FAM78A: variants seen among roughly 807,000 people sequenced by gnomAD.
The protein encoded by FAM78A is protein FAM78A.
In FAM78A, 12 loss-of-function variants were observed where a neutral mutation model predicts 22.6. That is an observed-to-expected ratio of 0.53 (90% CI 0.34 to 0.86). FAM78A has a LOEUF of 0.86. Ranked by LOEUF, FAM78A falls within the 40% of genes least tolerant of loss-of-function variation. The pLI is 0.02. For missense variants in FAM78A, 322 were observed against 396.1 expected, an observed-to-expected ratio of 0.81 and a Z score of 1.59; for synonymous variants, 151 against 155.8, an observed-to-expected ratio of 0.97 and a Z score of 0.23.
intron 1 of FAM78A, chr9:131,270,282 G>A (rs59146244): frequency 1.4e-6 from 1 of 717,416 alleles, no homozygotes; most frequent in Non-Finnish European, 2.6e-6. Flanking sequence ...TCACCTCTCA[G>A]CATCCTCACC....
chr9:131,260,867 G>C lies in FAM78A; in HGVS notation c.807C>G (p.Pro269=), dbSNP rs770163977. Residue 269 remains proline (P), a synonymous_variant, in exon 2 of 2, where the codon CCC becomes CCG. Transcript: ENST00000372271. The surrounding 1 kb of genome is among the most constrained non-coding windows in gnomAD (Gnocchi z 5.4). The part of the protein sequence containing the change: ...ANDAQVLMWR[P]KYGQPLVVIP... ...TCACCACCAGCGGCTGCCCGTACTT[G>C]GGCCGCCACATGAGGACCTGGGCAT... 2.6e-6 allele frequency: 4 copies of C among 1,531,246 alleles called. No individual in the cohort carries two copies. Among genetic ancestry groups the C allele is most frequent in the Non-Finnish European group, 3.5e-6 (4 of 1,138,486 alleles). The allele number at this position is 1,531,246 out of a possible 1,614,324, so 94.9% of individuals were successfully genotyped here. A position where few individuals can be genotyped will look rare whatever the true frequency, so the allele number is the denominator to read the frequency against.
intron 1 of FAM78A, among the ~76,000 whole-genome samples, chr9:131,270,934 G>A (rs1253485926): frequency 1.3e-5 from 2 of 151,752 alleles, no homozygotes; most frequent in African/African-American, 4.8e-5. Flanking sequence ...CATTCTCAGC[G>A]TCATCCCAGC....
intron 1 of FAM78A, chr9:131,262,605 G>C (rs1296458278): frequency 6.6e-6 from 1 of 151,808 alleles, no homozygotes; most frequent in Admixed American, 6.6e-5. Flanking sequence ...CCTGTTCCTA[G>C]AATTAATCAC....
At chr9:131,266,591 A>C (rs1835348684) in intron 1 of FAM78A, among the ~76,000 whole-genome samples, 1 of 151,712 alleles carries the variant, frequency 6.6e-6, no homozygotes, top group African/African-American at 2.4e-5. Flanking sequence ...CACCCCAAAG[A>C]AGCCTGCCTG....
chr9:131,264,754 C>T lies in FAM78A; in HGVS notation c.324-3404G>A, dbSNP rs372334180. 125 of 610,582 alleles carry T rather than the reference C, an allele frequency of 2.0e-4. 1 individual carries two copies. In the East Asian group the frequency reaches 2.1e-3, roughly 10 times the overall value. 37.8% of individuals were successfully genotyped at this position (610,582 alleles called of 1,614,324 possible). On this transcript the variant is annotated intron_variant, in intron 1 of 1. Transcript: ENST00000372271. The stretch of plus-strand genomic sequence containing the variant: ...TTTTTTTTTTTTTGAGACAGAGTCT[C>T]ACTCTGTCACTCAGGCTGGAGTGCA...
Position 131,260,789 on chromosome 9 carries a change from T to C in FAM78A, c.*33A>G. Reference sequence around the variant, plus strand: ...GTTTTGTTTTCAGCGGTATTATTATTTGTGAGTCTAACCTAGCGGGTGGTC... The same window carrying C: ...GTTTTGTTTTCAGCGGTATTATTATCTGTGAGTCTAACCTAGCGGGTGGTC... On this transcript the variant is annotated 3_prime_UTR_variant, in exon 2 of 2. Coordinates refer to ENST00000372271, the MANE Select transcript of FAM78A (RefSeq NM_033387.4). The surrounding 1 kb of genome is among the most constrained non-coding windows in gnomAD (Gnocchi z 5.4). 6.6e-7 allele frequency: 1 copy of C among 1,507,564 alleles called. No homozygotes were observed. The highest frequency in any genetic ancestry group is 1.3e-5 in the South Asian group (1 of 74,614). The allele number at this position is 1,507,564 out of a possible 1,614,324, so 93.4% of individuals were successfully genotyped here.
intron 1 of FAM78A, among the ~76,000 whole-genome samples, chr9:131,267,651 T>C (rs1015434178): frequency 2.0e-5 from 3 of 152,196 alleles, no homozygotes; most frequent in African/African-American, 7.2e-5. Flanking sequence ...TGCATTAAAA[T>C]AAAATTTAGC....
intron 1 of FAM78A, chr9:131,264,697 C>G: frequency 1.5e-6 from 1 of 685,630 alleles, no homozygotes; most frequent in Non-Finnish European, 2.7e-6. Context: ...TGACCCAAAG[C>G]CCTAATTTGA....
chr9:131,271,002 T>C (rs1467018626), intron 1 of FAM78A, among the ~76,000 whole-genome samples: 35,515 of 120,834 alleles, frequency 0.29, 6,121 homozygotes, highest in East Asian at 0.55. Flanking sequence ...CCCACCAGTC[T>C]TTTTTTTTTT....
rs977643823 is a variant in FAM78A, at chr9:131,265,185, T to C, written c.324-3835A>G. 6.6e-6 allele frequency among the ~76,000 whole-genome samples: 1 copy of C among 152,226 alleles called. No homozygotes were observed. Among genetic ancestry groups the C allele is most frequent in the African/African-American group, 2.4e-5 (1 of 41,458 alleles). ...ATTTAAACATTCTAATTCTGTTCTC[T>C]TAGTAGTTGTCCTTGAAATTTTCCG... On this transcript the variant is annotated intron_variant, in intron 1 of 1. Coordinates refer to ENST00000372271, the MANE Select transcript of FAM78A (RefSeq NM_033387.4). This position sits in a 1 kb window ranked among gnomAD's most constrained non-coding sequence, Gnocchi z 4.3.
At chr9:131,277,202 C>A (rs867859405), upstream of FAM78A, among the ~76,000 whole-genome samples, 1 of 151,522 alleles carries the variant, frequency 6.6e-6, no homozygotes, top group Non-Finnish European at 1.5e-5. The surrounding 1 kb of genome is among the most constrained non-coding windows in gnomAD (Gnocchi z 8.4). Context: ...CCCGGACGGG[C>A]GGGGTGGGGG....
intron 1 of FAM78A, among the ~76,000 whole-genome samples, chr9:131,269,716 A>T (rs560052338): frequency 1.8e-4 from 28 of 152,074 alleles, no homozygotes; most frequent in African/African-American, 6.3e-4. Context: ...ACCTCAGATG[A>T]TCCACCTGCC....
At chr9:131,277,358 C>T (rs1410797146), upstream of FAM78A, among the ~76,000 whole-genome samples, 1 of 151,944 alleles carries the variant, frequency 6.6e-6, no homozygotes, top group Non-Finnish European at 1.5e-5. The surrounding 1 kb of genome is among the most constrained non-coding windows in gnomAD (Gnocchi z 8.4). Flanking sequence ...TCGGATCCGG[C>T]GGGCACCCCT....
upstream of FAM78A, among the ~76,000 whole-genome samples, chr9:131,276,816 G>C (rs1057155290): frequency 2.0e-5 from 3 of 149,834 alleles, no homozygotes; most frequent in Admixed American, 6.6e-5. The surrounding 1 kb of genome is among the most constrained non-coding windows in gnomAD (Gnocchi z 4.3). Flanking sequence ...GCCCACTCGC[G>C]GGCGCGGGCC....
upstream of FAM78A, among the ~76,000 whole-genome samples, chr9:131,276,743 G>A (rs1401274024): frequency 6.6e-6 from 1 of 151,584 alleles, no homozygotes; most frequent in Non-Finnish European, 1.5e-5. This position sits in a 1 kb window ranked among gnomAD's most constrained non-coding sequence, Gnocchi z 4.3. Flanking sequence ...GCTTCCAGGA[G>A]GCGAGCTCAG....
At chr9:131,270,277 T>A in intron 1 of FAM78A, 1 of 717,334 alleles carries the variant, frequency 1.4e-6, no homozygotes, top group East Asian at 2.7e-5. Flanking sequence ...TGAGCTCACC[T>A]CTCAGCATCC....
rs938377393 is a variant in FAM78A, at chr9:131,275,619, CG to C, written c.323+237del. On this transcript the variant is annotated intron_variant, in intron 1 of 1. Coordinates refer to ENST00000372271, the MANE Select transcript of FAM78A (RefSeq NM_033387.4). The surrounding 1 kb of genome is among the most constrained non-coding windows in gnomAD (Gnocchi z 4.6). The stretch of plus-strand genomic sequence containing the variant: ...TCTTGCAGGGAAGGACACAGGAACC[CG>C]GGGGGAACAGTGGCAGGGTAGATTG... Among the ~76,000 whole-genome samples the C allele has an allele frequency of 1.2e-4, 19 of 152,294 alleles. No individual in the cohort carries two copies. Among genetic ancestry groups the C allele is most frequent in the African/African-American group, 1.9e-4 (8 of 41,580 alleles).
intron 1 of FAM78A, chr9:131,264,478 C>T: frequency 1.5e-6 from 1 of 667,614 alleles, no homozygotes. Context: ...GCACTGTGGT[C>T]CAGTCACAGA....
In FAM78A at chr9:131,275,272, C is replaced by T. The variant is rs978556339; in HGVS notation, c.323+585G>A. ...TGCCTTGGAGACAGAAAGCGATACA[C>T]TGTGAAGAAATCGGGCTTCTAAAAC... On this transcript the variant is annotated intron_variant, in intron 1 of 1. Transcript: ENST00000372271. The surrounding 1 kb of genome is among the most constrained non-coding windows in gnomAD (Gnocchi z 4.6). Among the ~76,000 whole-genome samples the T allele has an allele frequency of 1.3e-5, 2 of 152,224 alleles. No individual in the cohort carries two copies. Among genetic ancestry groups the T allele is most frequent in the Admixed American group, 6.5e-5 (1 of 15,286 alleles).
Sources: gnomAD v4.1 joint callset for allele counts (sites outside exome capture counted in the v4.1 genomes callset) on GRCh38, gnomAD v4.1.1 for gene constraint, Gnocchi (gnomAD v3.1) non-coding constraint, MANE v1.5 for transcripts, NCBI Gene and HGNC (gene_info 2026-07-23, HGNC 2026-07-21) for gene names.